KCNMA1: variants seen among roughly 807,000 people sequenced by gnomAD.
The protein encoded by KCNMA1 is potassium calcium-activated channel subfamily M alpha 1, also known as Calcium-activated potassium channel subunit alpha-1.
In KCNMA1, 29 loss-of-function variants were observed where a neutral mutation model predicts 140.0. That is an observed-to-expected ratio of 0.21 (90% CI 0.15 to 0.28). The LOEUF (loss-of-function observed/expected upper bound fraction) is 0.28. Ranked by LOEUF, KCNMA1 falls within the 10% of genes least tolerant of loss-of-function variation. The probability of loss-of-function intolerance (pLI) is 1.00; values close to 1 mark genes in which losing one functional copy is unlikely to be tolerated. For synonymous variants in KCNMA1, 612 were observed against 611.9 expected, an observed-to-expected ratio of 1.00 and a Z score of 0.00; for missense variants, 880 against 1,602.2, an observed-to-expected ratio of 0.55 and a Z score of 7.70.
intron 5 of KCNMA1, among the ~76,000 whole-genome samples, chr10:77,149,189 T>C (rs1203898866): frequency 6.6e-6 from 1 of 152,202 alleles, no homozygotes; most frequent in East Asian, 1.9e-4. Flanking sequence ...ATCTCTGCTT[T>C]TGACATGCAA....
rs555761031 is a variant in KCNMA1, at chr10:77,363,408, G to A, written c.540+40454C>T. Among the ~76,000 whole-genome samples the A allele has an allele frequency of 5.3e-5, 8 of 152,282 alleles. No homozygotes were observed. The South Asian group carries it at 1.7e-3, about 32-fold the overall frequency. The stretch of plus-strand genomic sequence containing the variant: ...AGGGACCAAAGCCAGGAACAGCCAA[G>A]GACACTCAATGCCACTCCTGCCTTA... On this transcript the variant is annotated intron_variant, in intron 2 of 27. Transcript: ENST00000286628.
At chr10:77,393,624 C>A (rs1197843379) in intron 2 of KCNMA1, among the ~76,000 whole-genome samples, 2 of 152,208 alleles carry the variant, frequency 1.3e-5, no homozygotes, top group Non-Finnish European at 2.9e-5. Context: ...AACTGCCCAG[C>A]CGCACCACAC....
intron 1 of KCNMA1, among the ~76,000 whole-genome samples, chr10:77,595,213 G>C (rs2080478044): frequency 2.6e-5 from 4 of 152,170 alleles, no homozygotes; most frequent in South Asian, 2.1e-4. Context: ...CGGGCATGGT[G>C]GTGGGCGCCT....
chr10:77,350,337 C>T (rs2092721905), intron 2 of KCNMA1: 1 of 152,246 alleles, frequency 6.6e-6, no homozygotes, highest in African/African-American at 2.4e-5. Flanking sequence ...ACAGTTTTAT[C>T]ACTGGTGACA....
intron 1 of KCNMA1, among the ~76,000 whole-genome samples, chr10:77,605,601 G>A (rs890043237): frequency 7.2e-5 from 11 of 152,182 alleles, no homozygotes; most frequent in African/African-American, 2.7e-4. Flanking sequence ...TCCCTCCTCT[G>A]CTGGGACAGT....
chr10:77,187,042 C>G (rs2098869813), intron 3 of KCNMA1, among the ~76,000 whole-genome samples: 1 of 152,142 alleles, frequency 6.6e-6, no homozygotes, highest in African/African-American at 2.4e-5. Context: ...GTTGCCCTCA[C>G]AGTCGTTATT....
intron 1 of KCNMA1, among the ~76,000 whole-genome samples, chr10:77,494,430 C>T (rs1158802959): frequency 6.6e-6 from 1 of 152,238 alleles, no homozygotes; most frequent in Non-Finnish European, 1.5e-5. Flanking sequence ...CCAGACCCCA[C>T]AGGGGTTTCT....
At chr10:76,933,694 C>T (rs1326812579) in intron 23 of KCNMA1, among the ~76,000 whole-genome samples, 2 of 152,164 alleles carry the variant, frequency 1.3e-5, no homozygotes, top group Non-Finnish European at 2.9e-5. Flanking sequence ...CTTCTCATAA[C>T]ACATTGTGTG....
At chr10:77,036,792 A>C (rs1594387232) in intron 15 of KCNMA1, among the ~76,000 whole-genome samples, 1 of 152,216 alleles carries the variant, frequency 6.6e-6, no homozygotes, top group Non-Finnish European at 1.5e-5. Flanking sequence ...TGTTATCATT[A>C]AACTGCTGGT....
chr10:77,461,346 G>A (rs1481048219), intron 1 of KCNMA1, among the ~76,000 whole-genome samples: 2 of 151,808 alleles, frequency 1.3e-5, no homozygotes, highest in Non-Finnish European at 2.9e-5. Flanking sequence ...GCTATTTGTG[G>A]GGCAACTTGT....
At chr10:76,870,712 C>A (rs2031120376) in exon 28 of KCNMA1, 1 of 152,364 alleles carries the variant, frequency 6.6e-6, no homozygotes, top group Admixed American at 6.5e-5. Context: ...GGTGAGTCCT[C>A]CAGAAAGACT....
chr10:77,464,457 T>TAA (rs5786289), intron 1 of KCNMA1, among the ~76,000 whole-genome samples: 30 of 147,056 alleles, frequency 2.0e-4, no homozygotes, highest in African/African-American at 7.4e-4. Context: ...ATCTCTCCAT[T>TAA]AAAAAAAAAA....
chr10:77,548,860 A>G (rs1603635193), intron 1 of KCNMA1, among the ~76,000 whole-genome samples: 1 of 152,358 alleles, frequency 6.6e-6, no homozygotes, highest in South Asian at 2.1e-4. Flanking sequence ...TATGCTAAGC[A>G]CTTGGGATAT....
chr10:77,017,269 C>A (rs927727916), intron 17 of KCNMA1, among the ~76,000 whole-genome samples: 1 of 152,174 alleles, frequency 6.6e-6, no homozygotes, highest in African/African-American at 2.4e-5. Context: ...TATGGTTCTC[C>A]TGTGCTCCCC....
intron 1 of KCNMA1, among the ~76,000 whole-genome samples, chr10:77,468,687 A>T (rs2098086876): frequency 6.6e-6 from 1 of 152,200 alleles, no homozygotes. Flanking sequence ...CTAGAACTGT[A>T]AGAAAATTAA....
At chr10:76,943,276 C>T (rs1421920631) in intron 23 of KCNMA1, among the ~76,000 whole-genome samples, 1 of 152,188 alleles carries the variant, frequency 6.6e-6, no homozygotes, top group Non-Finnish European at 1.5e-5. Context: ...TTGTGCTGTC[C>T]TGCGGGCACA....
intron 19 of KCNMA1, among the ~76,000 whole-genome samples, chr10:76,982,749 G>GGGT (rs2153232321): frequency 6.6e-6 from 1 of 152,260 alleles, no homozygotes; most frequent in Non-Finnish European, 1.5e-5. Context: ...AGAGGATAGT[G>GGGT]GGTGGGCTTT....
intron 16 of KCNMA1, among the ~76,000 whole-genome samples, chr10:77,021,508 C>T (rs1393010923): frequency 2.6e-5 from 4 of 152,308 alleles, no homozygotes; most frequent in East Asian, 1.9e-4. Flanking sequence ...CCAGGAGGTG[C>T]CCTATTGGCA....
intron 5 of KCNMA1, among the ~76,000 whole-genome samples, chr10:77,123,706 A>G (rs1454263828): frequency 6.6e-6 from 1 of 152,174 alleles, no homozygotes. Flanking sequence ...ACACACACCT[A>G]CGGTAAAATT....
Sources: gnomAD v4.1 joint callset for allele counts (sites outside exome capture counted in the v4.1 genomes callset) on GRCh38, gnomAD v4.1.1 for gene constraint, MANE v1.5 for transcripts, NCBI Gene and HGNC (gene_info 2026-07-23, HGNC 2026-07-21) for gene names.